The following R3HCC1L variants were observed in gnomAD, a reference collection of about 807,000 sequenced individuals.
R3HCC1L encodes coiled-coil domain-containing protein R3HCC1L.
Under a neutral mutation model 59.9 loss-of-function variants are expected in R3HCC1L, and 51 were observed. The ratio of observed to expected loss-of-function variants is 0.85; its 90% confidence interval spans 0.68 to 1.07. The LOEUF is 1.07. Among genes scored for constraint, R3HCC1L ranks in the 50% least tolerant of loss-of-function variants. R3HCC1L has a pLI of 0.00. For missense variants in R3HCC1L, 965 were observed against 933.0 expected (o/e 1.03, Z -0.45); for synonymous variants, 322 against 315.2 (o/e 1.02, Z -0.23).
chr10:98,167,176 A>G (rs564647834), intron 4 of R3HCC1L, among the ~76,000 whole-genome samples: 1 of 152,210 alleles, frequency 6.6e-6, no homozygotes, highest in South Asian at 2.1e-4. Flanking sequence ...TCTTCTTGAA[A>G]GCCTTCTGTA....
intron 4 of R3HCC1L, among the ~76,000 whole-genome samples, chr10:98,200,859 A>G (rs187038289): frequency 1.6e-4 from 25 of 152,266 alleles, no homozygotes; most frequent in Non-Finnish European, 2.1e-4. Context: ...CATCTTCACC[A>G]AAAAGTATGA....
Position 98,208,113 on chromosome 10 carries a change from C to A in R3HCC1L, c.-2C>A. The A allele has an allele frequency of 6.2e-7, 1 of 1,601,876 alleles. No homozygotes were observed. The highest frequency in any genetic ancestry group is 8.5e-7 in the Non-Finnish European group (1 of 1,174,784). The stretch of plus-strand genomic sequence containing the variant: ...TCTTCTCTTGCAGATTGTGGTGGTG[C>A]CATGCAGCAAGAATCAGAGAGATGC... On this transcript the variant is annotated 5_prime_UTR_variant, in exon 5 of 10. Transcript: ENST00000298999.
intron 4 of R3HCC1L, among the ~76,000 whole-genome samples, chr10:98,198,194 A>AT (rs537548263): frequency 1.3e-5 from 2 of 150,254 alleles, no homozygotes; most frequent in East Asian, 2.0e-4. Flanking sequence ...AGAGCAGTGA[A>AT]TTTTTTTTTT....
intron 4 of R3HCC1L, among the ~76,000 whole-genome samples, chr10:98,173,728 A>G (rs1358465350): frequency 6.6e-6 from 1 of 150,910 alleles, no homozygotes; most frequent in Non-Finnish European, 1.5e-5. Context: ...CCCCCTAACC[A>G]CAGGTTAGCA....
chr10:98,235,965 G>A (rs746140016), intron 8 of R3HCC1L, 59 bp from the exon 9 acceptor site: 242 of 1,522,272 alleles, frequency 1.6e-4, no homozygotes, highest in Admixed American at 3.7e-4. Flanking sequence ...TAAATCACTT[G>A]AAGCTAGAGT....
intron 5 of R3HCC1L, among the ~76,000 whole-genome samples, chr10:98,216,548 A>C: frequency 6.6e-6 from 1 of 152,082 alleles, no homozygotes. Context: ...AAATCAAATA[A>C]GTCTTGGGTT....
chr10:98,187,060 C>T (rs969801330), intron 4 of R3HCC1L, among the ~76,000 whole-genome samples: 1 of 152,090 alleles, frequency 6.6e-6, no homozygotes, highest in Admixed American at 6.5e-5. Flanking sequence ...TGTATACAAG[C>T]ACTTAACCCA....
intron 5 of R3HCC1L, among the ~76,000 whole-genome samples, chr10:98,214,735 A>G (rs975551420): frequency 3.3e-5 from 5 of 152,250 alleles, no homozygotes; most frequent in Non-Finnish European, 5.9e-5. Context: ...CAGAATTTAT[A>G]GTATAGTCCT....
rs752682533 is a variant in R3HCC1L, at chr10:98,209,616, C to G, written c.1502C>G (p.Ser501Ter). The change falls in exon 5 of 10, where the codon TCA becomes TGA. Residue 501 changes from serine to a stop codon, truncating the protein, a stop_gained. Coordinates refer to ENST00000298999, the MANE Select transcript of R3HCC1L (RefSeq NM_001351015.2). LOFTEE classifies it high-confidence loss of function. ...ATGTTAAATGGGACAAAAGTTCTTT[C>G]AGACAGTGCCGTGGGCATTGACCTG... ...LSMLNGTKVLSDSAVGIDLGS... is the reference protein window; with the variant it reads ...LSMLNGTKVL 7 of 1,614,004 alleles carry G rather than the reference C, an allele frequency of 4.3e-6. No homozygotes were observed. In the South Asian group the frequency reaches 5.5e-5, roughly 13 times the overall value.
At chr10:98,226,824 T>A (rs1536152) in intron 5 of R3HCC1L, among the ~76,000 whole-genome samples, 1 of 152,076 alleles carries the variant, frequency 6.6e-6, no homozygotes, top group Non-Finnish European at 1.5e-5. Context: ...TTAACTGATA[T>A]CTTCTTGCCC....
At chr10:98,216,933 G>A (rs1295818357) in intron 5 of R3HCC1L, among the ~76,000 whole-genome samples, 1 of 151,956 alleles carries the variant, frequency 6.6e-6, no homozygotes, top group Non-Finnish European at 1.5e-5. Flanking sequence ...CTTGAAGCAT[G>A]TACATTTTAT....
intron 5 of R3HCC1L, among the ~76,000 whole-genome samples, chr10:98,213,051 G>C (rs772773810): frequency 2.0e-5 from 3 of 151,952 alleles, no homozygotes; most frequent in Non-Finnish European, 4.4e-5. Flanking sequence ...TACTGTCTCT[G>C]TCTCCCTATA....
At chr10:98,205,616 A>C (rs1336521466) in intron 4 of R3HCC1L, among the ~76,000 whole-genome samples, 1 of 152,232 alleles carries the variant, frequency 6.6e-6, no homozygotes, top group Non-Finnish European at 1.5e-5. Flanking sequence ...AATATTTGCC[A>C]GCACACTGCT....
rs374265889 is a variant in R3HCC1L at position 98,209,926 on chromosome 10, CTTAG to C, written c.1785+34_1785+37del. The C allele has an allele frequency of 2.2e-3, 3,357 of 1,542,290 alleles. 32 individuals are homozygous for C. The African/African-American group carries it at 0.026, about 12-fold the overall frequency. Reference sequence around the variant, plus strand: ...TATGTTTAATTGAAATTGCTTGATGCTTAGTTAGTTTATAAATTAGGATTTCAGT... The same window carrying C: ...TATGTTTAATTGAAATTGCTTGATGCTTAGTTTATAAATTAGGATTTCAGT... On this transcript the variant is annotated intron_variant, in intron 5 of 9. Transcript: ENST00000298999.
chr10:98,149,496 T>C (rs1041932035), intron 1 of R3HCC1L, among the ~76,000 whole-genome samples: 2 of 152,202 alleles, frequency 1.3e-5, no homozygotes, highest in African/African-American at 4.8e-5. Flanking sequence ...ATAACTTCCC[T>C]CTTACCGCTG....
At chr10:98,184,474 C>T (rs535014218) in intron 4 of R3HCC1L, among the ~76,000 whole-genome samples, 57 of 152,136 alleles carry the variant, frequency 3.7e-4, no homozygotes, top group African/African-American at 1.3e-3. Context: ...AGCCTAAGAC[C>T]AATAATATAC....
At position 98,141,374 on chromosome 10, in the gene R3HCC1L, T is replaced by C. The variant is rs529734404; in HGVS notation, c.-268+6668T>C. On this transcript the variant is annotated intron_variant, in intron 1 of 9. Coordinates refer to ENST00000298999, the MANE Select transcript of R3HCC1L (RefSeq NM_001351015.2). ...CAGGTCTGCCAAATTGCACATTGGA[T>C]TGGACCTTCCTTAAAGTTGAGAAAA... Among the ~76,000 whole-genome samples, 9 of 152,330 alleles carry C rather than the reference T, an allele frequency of 5.9e-5. No homozygotes were observed. In the South Asian group the frequency reaches 1.5e-3, roughly 25 times the overall value.
intron 6 of R3HCC1L, among the ~76,000 whole-genome samples, chr10:98,233,525 A>G (rs2135664612): frequency 6.6e-6 from 1 of 152,252 alleles, no homozygotes; most frequent in Middle Eastern, 3.4e-3. Flanking sequence ...TTTTCACAAC[A>G]ACTCTGTGGG....
intron 1 of R3HCC1L, among the ~76,000 whole-genome samples, chr10:98,139,240 T>G (rs1844889735): frequency 6.6e-6 from 1 of 152,220 alleles, no homozygotes; most frequent in African/African-American, 2.4e-5. Flanking sequence ...TGCAACTCAT[T>G]AGACATAAGT....
Sources: allele counts gnomAD v4.1 joint callset (sites outside exome capture counted in the v4.1 genomes callset), GRCh38; gene constraint gnomAD v4.1.1; transcripts MANE v1.5; gene names NCBI Gene and HGNC (gene_info 2026-07-23, HGNC 2026-07-21).